The following C1QTNF7 variants were observed in gnomAD, a reference collection of about 807,000 sequenced individuals.
C1QTNF7 encodes complement C1q tumor necrosis factor-related protein 7.
C1QTNF7 carries 15 observed loss-of-function variants against 19.6 expected under a neutral mutation model. That is an observed-to-expected ratio of 0.76 (90% CI 0.51 to 1.18). C1QTNF7 has a LOEUF of 1.18. Among genes scored for constraint, C1QTNF7 ranks in the 50% most tolerant of loss-of-function variants. The pLI, the probability that C1QTNF7 is intolerant of heterozygous loss-of-function variation, is 0.00. For synonymous variants in C1QTNF7, 142 were observed against 137.5 expected (o/e 1.03, Z -0.23); for missense variants, 324 against 359.7 (o/e 0.90, Z 0.80).
intron 1 of C1QTNF7, among the ~76,000 whole-genome samples, chr4:15,367,665 T>C (rs1390058156): frequency 6.6e-6 from 1 of 152,128 alleles, no homozygotes; most frequent in Non-Finnish European, 1.5e-5. Context: ...ACATGGCCCT[T>C]ATCTTGGTTC....
At chr4:15,420,016 C>T (rs1462801016) in intron 1 of C1QTNF7, 2 of 152,174 alleles carry the variant, frequency 1.3e-5, no homozygotes. Flanking sequence ...TAATAGGAGT[C>T]ACATACGATT....
chr4:15,376,173 G>GT (rs1717931030), intron 1 of C1QTNF7, among the ~76,000 whole-genome samples: 1 of 152,240 alleles, frequency 6.6e-6, no homozygotes, highest in African/African-American at 2.4e-5. Flanking sequence ...CATGTCTGTA[G>GT]TTTTTATGCA....
intron 1 of C1QTNF7, among the ~76,000 whole-genome samples, chr4:15,385,038 C>T (rs964808834): frequency 6.6e-6 from 1 of 152,224 alleles, no homozygotes; most frequent in African/African-American, 2.4e-5. Flanking sequence ...TGGTTCTCTC[C>T]TTCTCTTTCT....
Position 15,442,821 on chromosome 4 carries a change from T to C in C1QTNF7, c.*22T>C. On this transcript the variant is annotated 3_prime_UTR_variant, in exon 3 of 3. Coordinates refer to ENST00000444304, the MANE Select transcript of C1QTNF7 (RefSeq NM_031911.5). The stretch of plus-strand genomic sequence containing the variant: ...GTGATCAGGACCAAGATCCCTGTGG[T>C]AAACACTCTGATTGAATCTGGGGTT... 6.4e-7 allele frequency: 1 copy of C among 1,561,862 alleles called. No homozygotes were observed.
At chr4:15,357,266 T>C (rs1717177768) in intron 1 of C1QTNF7, among the ~76,000 whole-genome samples, 1 of 152,254 alleles carries the variant, frequency 6.6e-6, no homozygotes, top group African/African-American at 2.4e-5. Context: ...CTTGAGTTAA[T>C]TTCTGTATAA....
intron 1 of C1QTNF7, among the ~76,000 whole-genome samples, chr4:15,352,925 G>C (rs1716986610): frequency 6.6e-6 from 1 of 152,136 alleles, no homozygotes; most frequent in African/African-American, 2.4e-5. Flanking sequence ...CCATTTGCAA[G>C]CAATATTTTC....
Position 15,373,027 on chromosome 4 carries a change from C to T in C1QTNF7, c.13+32820C>T, listed in dbSNP as rs368387009. Among the ~76,000 whole-genome samples, 48 of 152,274 alleles carry T rather than the reference C, an allele frequency of 3.2e-4. 1 individual carries two copies. In the East Asian group the frequency reaches 7.3e-3, roughly 23 times the overall value. ...AATGGGCAATGGTAGTTGCACATCCCGCTGGAAAATACCACTGTCTCAGCC... is the reference window on the plus strand; with the variant it reads ...AATGGGCAATGGTAGTTGCACATCCTGCTGGAAAATACCACTGTCTCAGCC... On this transcript the variant is annotated intron_variant, in intron 1 of 2. Transcript: ENST00000295297.
At chr4:15,411,955 T>G (rs1577266217) in intron 1 of C1QTNF7, among the ~76,000 whole-genome samples, 1 of 152,018 alleles carries the variant, frequency 6.6e-6, no homozygotes. Context: ...GGCAGGCGAG[T>G]CAGTGAAGCT....
intron 2 of C1QTNF7, 85 bp downstream of exon 2, chr4:15,436,066 G>A: frequency 6.6e-7 from 1 of 1,522,596 alleles, no homozygotes; most frequent in Non-Finnish European, 8.8e-7. Context: ...TTTCTAATGG[G>A]AATTGCTCCT....
intron 1 of C1QTNF7, among the ~76,000 whole-genome samples, chr4:15,380,645 T>C (rs535170169): frequency 3.2e-4 from 48 of 152,222 alleles, no homozygotes; most frequent in African/African-American, 9.9e-4. Context: ...TTAAAAAAGG[T>C]ATGGGGAGGC....
upstream of C1QTNF7, among the ~76,000 whole-genome samples, chr4:15,423,642 G>A (rs1026236285): frequency 1.5e-4 from 23 of 152,242 alleles, no homozygotes; most frequent in South Asian, 1.0e-3. Flanking sequence ...AAAACCTCCC[G>A]TGGCCAACAG....
At chr4:15,403,186 G>A (rs1719058336) in intron 1 of C1QTNF7, among the ~76,000 whole-genome samples, 1 of 152,124 alleles carries the variant, frequency 6.6e-6, no homozygotes, top group African/African-American at 2.4e-5. Context: ...TCAGAAGAAT[G>A]TGCCCAGGCA....
At chr4:15,386,351 T>C (rs1718335768) in intron 1 of C1QTNF7, among the ~76,000 whole-genome samples, 1 of 152,240 alleles carries the variant, frequency 6.6e-6, no homozygotes, top group African/African-American at 2.4e-5. Flanking sequence ...TCAACATTTA[T>C]GGCTTTTATT....
chr4:15,410,051 C>A (rs1464821557), intron 1 of C1QTNF7, among the ~76,000 whole-genome samples: 1 of 152,164 alleles, frequency 6.6e-6, no homozygotes, highest in Admixed American at 6.6e-5. Context: ...TTTCTACATA[C>A]CCCATGAAGT....
chr4:15,408,411 GTTGT>G (rs760076131), intron 1 of C1QTNF7, among the ~76,000 whole-genome samples: 2 of 151,510 alleles, frequency 1.3e-5, no homozygotes, highest in Non-Finnish European at 2.9e-5. Context: ...TGCAAATCAT[GTTGT>G]TTAAGTCTTT....
intron 1 of C1QTNF7, among the ~76,000 whole-genome samples, chr4:15,430,808 G>C (rs1712271476): frequency 6.6e-6 from 1 of 152,034 alleles, no homozygotes; most frequent in African/African-American, 2.4e-5. Flanking sequence ...CTTTTTATCA[G>C]AAACATTCTG....
At chr4:15,386,620 T>C (rs1198092091) in intron 1 of C1QTNF7, among the ~76,000 whole-genome samples, 1 of 152,146 alleles carries the variant, frequency 6.6e-6, no homozygotes, top group Non-Finnish European at 1.5e-5. Context: ...CAAAAGAGGC[T>C]TCATGGGCAA....
At chr4:15,419,156 CT>C (rs1208566289) in intron 1 of C1QTNF7, among the ~76,000 whole-genome samples, 9 of 152,144 alleles carry the variant, frequency 5.9e-5, no homozygotes, top group Non-Finnish European at 1.3e-4. Flanking sequence ...TTCACACAAC[CT>C]TTTGGAAAGC....
At chr4:15,383,203 A>C (rs1718210319) in intron 1 of C1QTNF7, among the ~76,000 whole-genome samples, 1 of 152,174 alleles carries the variant, frequency 6.6e-6, no homozygotes, top group Admixed American at 6.5e-5. Context: ...CCTTCTTGGC[A>C]ATGGTAATAT....
Sources: gnomAD v4.1 joint callset for allele counts (sites outside exome capture counted in the v4.1 genomes callset) on GRCh38, gnomAD v4.1.1 for gene constraint, MANE v1.5 for transcripts, NCBI Gene and HGNC (gene_info 2026-07-23, HGNC 2026-07-21) for gene names.